ADAMTS20: variants seen among roughly 807,000 people sequenced by gnomAD.
ADAMTS20 encodes ADAM metallopeptidase with thrombospondin type 1 motif 20.
A neutral mutation model predicts 260.1 loss-of-function variants in ADAMTS20; 225 were observed. The observed-to-expected ratio is 0.87, with a 90% CI of 0.78 to 0.97. The LOEUF (loss-of-function observed/expected upper bound fraction) is 0.97, where lower values mean the gene tolerates loss of function less well. Among genes scored for constraint, ADAMTS20 ranks in the 50% least tolerant of loss-of-function variants. ADAMTS20 has a pLI of 0.00. For synonymous variants in ADAMTS20, 802 were observed against 769.5 expected (o/e 1.04, Z -0.70); for missense variants, 2,400 against 2,337.7 (o/e 1.03, Z -0.55).
chr12:43,495,022 A>G (rs1565571700), intron 4 of ADAMTS20, among the ~76,000 whole-genome samples: 1 of 152,250 alleles, frequency 6.6e-6, no homozygotes, highest in Non-Finnish European at 1.5e-5. Context: ...AGGTGTCTAC[A>G]TGGCTAACTA....
chr12:43,373,794 C>T (rs910168642), intron 36 of ADAMTS20, among the ~76,000 whole-genome samples: 1 of 148,882 alleles, frequency 6.7e-6, no homozygotes. Context: ...ATTCTCCTGC[C>T]TCAGCCTCCC....
intron 4 of ADAMTS20, among the ~76,000 whole-genome samples, chr12:43,497,434 A>C (rs1183064516): frequency 2.0e-5 from 3 of 152,166 alleles, no homozygotes; most frequent in African/African-American, 7.2e-5. Context: ...CATCTATAAA[A>C]AACTGATTTT....
At chr12:43,420,996 C>T (rs1451898367) in intron 28 of ADAMTS20, among the ~76,000 whole-genome samples, 7 of 150,244 alleles carry the variant, frequency 4.7e-5, no homozygotes, top group East Asian at 3.9e-4. Flanking sequence ...TTAGTAGAGA[C>T]GGGGGTTTCA....
intron 2 of ADAMTS20, among the ~76,000 whole-genome samples, chr12:43,547,280 C>T (rs1367827658): frequency 2.6e-5 from 4 of 152,072 alleles, no homozygotes; most frequent in Admixed American, 6.6e-5. Context: ...GAGAGTCTAC[C>T]TCAGTTGGGA....
intron 31 of ADAMTS20, among the ~76,000 whole-genome samples, chr12:43,382,570 G>T (rs568683593): frequency 5.9e-4 from 90 of 152,152 alleles, no homozygotes; most frequent in Admixed American, 1.5e-3. Flanking sequence ...GGTGATGCTT[G>T]CACATACAGG....
chr12:43,520,963 AT>A (rs1943063884), intron 3 of ADAMTS20, among the ~76,000 whole-genome samples: 1 of 152,208 alleles, frequency 6.6e-6, no homozygotes, highest in Non-Finnish European at 1.5e-5. Context: ...AGTACAAAAG[AT>A]CTGGTAATAC....
chr12:43,486,584 T>G (rs1178263113), intron 7 of ADAMTS20, among the ~76,000 whole-genome samples: 1 of 152,164 alleles, frequency 6.6e-6, no homozygotes, highest in Non-Finnish European at 1.5e-5. Context: ...AAATGGAATC[T>G]GATTAAATTC....
At chr12:43,359,963 T>C (rs998448216) in intron 37 of ADAMTS20, among the ~76,000 whole-genome samples, 1 of 152,228 alleles carries the variant, frequency 6.6e-6, no homozygotes, top group Non-Finnish European at 1.5e-5. Flanking sequence ...ACTCTAAATG[T>C]ACAGTCCATA....
chr12:43,381,403 C>T (rs1940347651), intron 31 of ADAMTS20, among the ~76,000 whole-genome samples: 2 of 151,720 alleles, frequency 1.3e-5, no homozygotes, highest in Non-Finnish European at 2.9e-5. Context: ...AAAGATAACC[C>T]ACAGAATTGG....
At chr12:43,399,370 T>C (rs1461334932) in intron 28 of ADAMTS20, 137 bp from the exon 29 acceptor site, 4 of 787,670 alleles carry the variant, frequency 5.1e-6, no homozygotes, top group African/African-American at 1.8e-5. Flanking sequence ...GTATTTCTAA[T>C]TAGTGAAAAG....
At chr12:43,502,072 A>G (rs1942774326) in intron 4 of ADAMTS20, 80 bp downstream of exon 4, 1 of 1,371,592 alleles carries the variant, frequency 7.3e-7, no homozygotes, top group Admixed American at 3.2e-5. Context: ...GAGTTTGGAA[A>G]AAAAATTTAA....
rs757981926 is a variant in ADAMTS20 at position 43,464,581 on chromosome 12, C to T, written c.1509+10G>A. On this transcript the variant is annotated intron_variant, in intron 10 of 38. Transcript: ENST00000389420. ...TTTTCGAACAAAATAAAGGAATTTT[C>T]TTTTCTTACTATATGGGGACACATT... The T allele has an allele frequency of 1.2e-6, 2 of 1,604,454 alleles. No individual in the cohort carries two copies. The highest frequency in any genetic ancestry group is 8.5e-7 in the Non-Finnish European group (1 of 1,177,148).
intron 12 of ADAMTS20, 130 bp downstream of exon 12, chr12:43,453,777 G>A: frequency 1.1e-6 from 1 of 946,632 alleles, no homozygotes; most frequent in Non-Finnish European, 1.5e-6. Context: ...GTGACTTAAA[G>A]TGCTCCAGAA....
intron 3 of ADAMTS20, among the ~76,000 whole-genome samples, chr12:43,528,649 A>C (rs1943180164): frequency 6.6e-6 from 1 of 152,080 alleles, no homozygotes; most frequent in South Asian, 2.1e-4. Context: ...CTTGTACAAA[A>C]ATCAACTCAA....
At chr12:43,395,482 C>A (rs1194554136) in intron 29 of ADAMTS20, among the ~76,000 whole-genome samples, 2 of 151,550 alleles carry the variant, frequency 1.3e-5, no homozygotes, top group African/African-American at 4.8e-5. Context: ...TCTTTCTTTT[C>A]TTTTTTTTCC....
At chr12:43,356,648 T>C in intron 37 of ADAMTS20, 60 bp from the exon 38 acceptor site, 1 of 1,287,844 alleles carries the variant, frequency 7.8e-7, no homozygotes, top group Non-Finnish European at 1.1e-6. Context: ...TGATTACAAA[T>C]AAGTCTTCTC....
At chr12:43,411,699 C>T (rs1941035540) in intron 28 of ADAMTS20, among the ~76,000 whole-genome samples, 1 of 152,152 alleles carries the variant, frequency 6.6e-6, no homozygotes, top group African/African-American at 2.4e-5. Flanking sequence ...ATAAGCTAAA[C>T]ATCTTTCCAA....
chr12:43,490,320 A>G, intron 7 of ADAMTS20, 75 bp downstream of exon 7: 1 of 758,748 alleles, frequency 1.3e-6, no homozygotes, highest in Non-Finnish European at 2.0e-6. Context: ...AATAAATGGA[A>G]AATAGCCTAA....
intron 3 of ADAMTS20, among the ~76,000 whole-genome samples, chr12:43,528,361 A>AC (rs1252765703): frequency 6.8e-6 from 1 of 147,536 alleles, no homozygotes; most frequent in African/African-American, 2.5e-5. Flanking sequence ...AAAAAAAAAA[A>AC]AAAAAAAAAA....
Sources: allele counts gnomAD v4.1 joint callset (sites outside exome capture counted in the v4.1 genomes callset), GRCh38; gene constraint gnomAD v4.1.1; transcripts MANE v1.5; gene names NCBI Gene and HGNC (gene_info 2026-07-23, HGNC 2026-07-21).